PPP3CA: variants seen among roughly 807,000 people sequenced by gnomAD.
PPP3CA encodes protein phosphatase 3 catalytic subunit alpha.
Under a neutral mutation model 66.5 loss-of-function variants are expected in PPP3CA, and 14 were observed. The observed-to-expected ratio is 0.21, with a 90% CI of 0.14 to 0.33. The LOEUF is 0.33. Among genes scored for constraint, PPP3CA ranks in the 10% least tolerant of loss-of-function variants. The pLI is 1.00. For missense variants in PPP3CA, 317 were observed against 639.5 expected (o/e 0.50, Z 5.44); for synonymous variants, 232 against 226.2 (o/e 1.03, Z -0.23).
chr4:101,293,495 G>GTCT (rs1191773292), intron 1 of PPP3CA, among the ~76,000 whole-genome samples: 2 of 152,196 alleles, frequency 1.3e-5, no homozygotes, highest in African/African-American at 4.8e-5. Flanking sequence ...TCCAATAAGA[G>GTCT]TGTGAAGGGT....
intron 1 of PPP3CA, among the ~76,000 whole-genome samples, chr4:101,233,950 T>C (rs1027002811): frequency 1.3e-5 from 2 of 151,812 alleles, no homozygotes; most frequent in African/African-American, 2.4e-5. Flanking sequence ...TTTGTGTCCA[T>C]GTGTTTTCAT....
intron 9 of PPP3CA, 74 bp downstream of exon 9, chr4:101,063,154 CTCTT>C: frequency 6.7e-7 from 1 of 1,493,992 alleles, no homozygotes; most frequent in Non-Finnish European, 9.0e-7. Flanking sequence ...CAAAGTTCTT[CTCTT>C]TCTGAGTGTT....
chr4:101,085,036 A>C (rs1729602007), intron 6 of PPP3CA, among the ~76,000 whole-genome samples: 1 of 152,236 alleles, frequency 6.6e-6, no homozygotes, highest in Non-Finnish European at 1.5e-5. Context: ...TCAGAGAAAA[A>C]AAACAAAAAC....
Position 101,346,863 on chromosome 4 carries a change from G to T in PPP3CA, c.-67C>A, listed in dbSNP as rs1253667430. The stretch of plus-strand genomic sequence containing the variant: ...GACTGCACACCCCGACCGGACCGGC[G>T]GGCCAGACACTCAACGCCGCCGCCG... On this transcript the variant is annotated 5_prime_UTR_variant, in exon 1 of 14. Transcript: ENST00000394854. 1.3e-6 allele frequency: 2 copies of T among 1,560,716 alleles called. No homozygotes were observed. Among genetic ancestry groups the T allele is most frequent in the African/African-American group, 1.4e-5 (1 of 71,112 alleles).
intron 1 of PPP3CA, among the ~76,000 whole-genome samples, chr4:101,199,051 C>T (rs1182740764): frequency 2.0e-5 from 3 of 152,120 alleles, no homozygotes; most frequent in East Asian, 3.9e-4. Flanking sequence ...CACAGAGATG[C>T]CGCCAGCCAG....
At chr4:101,060,562 TA>T (rs1261059628) in intron 10 of PPP3CA, among the ~76,000 whole-genome samples, 2 of 152,156 alleles carry the variant, frequency 1.3e-5, no homozygotes, top group Non-Finnish European at 1.5e-5. Context: ...AGTAATATCT[TA>T]AAAAACATAA....
chr4:101,181,072 A>G (rs1356928553), intron 2 of PPP3CA, among the ~76,000 whole-genome samples: 2 of 152,120 alleles, frequency 1.3e-5, no homozygotes, highest in Admixed American at 6.6e-5. Flanking sequence ...AAATAAAATA[A>G]AATAGAATAA....
At chr4:101,053,839 G>T (rs1693763874) in intron 10 of PPP3CA, among the ~76,000 whole-genome samples, 2 of 151,912 alleles carry the variant, frequency 1.3e-5, no homozygotes, top group African/African-American at 4.8e-5. Context: ...CTTTTGAACG[G>T]TTCCTTTTAA....
At chr4:101,234,811 T>C (rs1726075190) in intron 1 of PPP3CA, among the ~76,000 whole-genome samples, 1 of 151,790 alleles carries the variant, frequency 6.6e-6, no homozygotes, top group African/African-American at 2.4e-5. Flanking sequence ...ATCATATAAT[T>C]ACCTTTTACT....
At chr4:101,268,630 A>G (rs562877185) in intron 1 of PPP3CA, among the ~76,000 whole-genome samples, 1 of 152,242 alleles carries the variant, frequency 6.6e-6, no homozygotes, top group African/African-American at 2.4e-5. Context: ...TCTCACCTCT[A>G]TACCTAAATA....
Position 101,062,444 on chromosome 4 carries a change from T to A in PPP3CA, c.1081+788A>T, listed in dbSNP as rs553814034. On this transcript the variant is annotated intron_variant, in intron 9 of 13. Transcript: ENST00000394854. Reference sequence around the variant, plus strand: ...TACTCCTCATAGAACATCATTACTCTGATACTTATAGGAACATTTATTTTT... The same window carrying A: ...TACTCCTCATAGAACATCATTACTCAGATACTTATAGGAACATTTATTTTT... Among the ~76,000 whole-genome samples the A allele has an allele frequency of 3.3e-5, 5 of 152,138 alleles. No individual in the cohort carries two copies. In the East Asian group the frequency reaches 7.7e-4, roughly 23 times the overall value.
At chr4:101,117,818 T>C (rs1018937462) in intron 2 of PPP3CA, among the ~76,000 whole-genome samples, 4 of 152,004 alleles carry the variant, frequency 2.6e-5, no homozygotes, top group Non-Finnish European at 5.9e-5. Context: ...ATTTACATTA[T>C]GTAGTTTACA....
At chr4:101,096,732 C>T (rs1730211702) in intron 5 of PPP3CA, among the ~76,000 whole-genome samples, 1 of 152,154 alleles carries the variant, frequency 6.6e-6, no homozygotes, top group Non-Finnish European at 1.5e-5. Flanking sequence ...TTTGACTTTT[C>T]ATTTTCCAAA....
At chr4:101,159,447 A>T (rs1723430750) in intron 2 of PPP3CA, among the ~76,000 whole-genome samples, 1 of 152,124 alleles carries the variant, frequency 6.6e-6, no homozygotes, top group African/African-American at 2.4e-5. Flanking sequence ...ACATTATCTA[A>T]GGGGAAGAGA....
At chr4:101,309,254 G>T (rs149849555) in intron 1 of PPP3CA, among the ~76,000 whole-genome samples, 1 of 152,156 alleles carries the variant, frequency 6.6e-6, no homozygotes, top group Non-Finnish European at 1.5e-5. Flanking sequence ...GAAACAAAAC[G>T]ATACTACACA....
chr4:101,135,402 T>A (rs1722591585), intron 2 of PPP3CA, among the ~76,000 whole-genome samples: 1 of 152,170 alleles, frequency 6.6e-6, no homozygotes, highest in South Asian at 2.1e-4. Context: ...GAACTCCGTA[T>A]TTTTAACACA....
At chr4:101,346,326 C>A (rs916042560) in intron 1 of PPP3CA, among the ~76,000 whole-genome samples, 1 of 152,164 alleles carries the variant, frequency 6.6e-6, no homozygotes, top group Non-Finnish European at 1.5e-5. Context: ...ATCAATCACC[C>A]CTCCCTCTGC....
chr4:101,101,304 T>C (rs1027235461), intron 3 of PPP3CA, among the ~76,000 whole-genome samples: 1 of 152,176 alleles, frequency 6.6e-6, no homozygotes, highest in Non-Finnish European at 1.5e-5. Context: ...GATCGGGTTT[T>C]ATAGCTGTAC....
intron 2 of PPP3CA, among the ~76,000 whole-genome samples, chr4:101,129,459 C>G (rs1005566848): frequency 6.6e-6 from 1 of 152,178 alleles, no homozygotes; most frequent in Admixed American, 6.5e-5. Context: ...TGGGAGACAC[C>G]TCCCAGCAGG....
Sources: allele counts gnomAD v4.1 joint callset (sites outside exome capture counted in the v4.1 genomes callset), GRCh38; gene constraint gnomAD v4.1.1; transcripts MANE v1.5; gene names NCBI Gene and HGNC (gene_info 2026-07-23, HGNC 2026-07-21).